The following PRPF8 variants were observed in gnomAD, a reference collection of about 807,000 sequenced individuals.
The protein encoded by PRPF8 is pre-mRNA-processing-splicing factor 8.
A neutral mutation model predicts 285.9 loss-of-function variants in PRPF8; 64 were observed. The ratio of observed to expected loss-of-function variants is 0.22; its 90% CI spans 0.18 to 0.28. The LOEUF (loss-of-function observed/expected upper bound fraction) is 0.28. Ranked by LOEUF, PRPF8 falls within the 10% of genes least tolerant of loss-of-function variation. The probability of loss-of-function intolerance (pLI) is 1.00; values close to 1 mark genes in which losing one functional copy is unlikely to be tolerated. For synonymous variants in PRPF8, 1,325 were observed against 1,118.2 expected, an observed-to-expected ratio of 1.18 and a Z score of -3.69; for missense variants, 1,426 against 3,026.7, an observed-to-expected ratio of 0.47 and a Z score of 12.41.
rs1597245770 is a variant in PRPF8 at position 1,676,495 on chromosome 17, T to C, written c.2388+10A>G. On this transcript the variant is annotated intron_variant, in intron 16 of 42. Coordinates refer to ENST00000304992, the MANE Select transcript of PRPF8 (RefSeq NM_006445.4). This position sits in a 1 kb window ranked among gnomAD's most constrained non-coding sequence, Gnocchi z 6.3. ...ACCACTCACACCCAGCCCAGCCTAC[T>C]CTGCCCAACCTTCAGGTAGTTGTGC... The C allele has an allele frequency of 1.2e-6, 2 of 1,614,022 alleles. No individual in the cohort carries two copies. Among genetic ancestry groups the C allele is most frequent in the East Asian group, 4.5e-5 (2 of 44,902 alleles).
At chr17:1,657,933 T>C (rs2151114116) in intron 34 of PRPF8, among the ~76,000 whole-genome samples, 1 of 147,010 alleles carries the variant, frequency 6.8e-6, no homozygotes, top group Non-Finnish European at 1.5e-5. Flanking sequence ...ATTGAGCCAC[T>C]GTGCTCCAGC....
intron 8 of PRPF8, chr17:1,680,403 A>G (rs1912845475): frequency 4.5e-6 from 2 of 441,252 alleles, no homozygotes; most frequent in African/African-American, 4.0e-5. Context: ...ACACACTTTA[A>G]ATGGATAACT....
Position 1,675,473 on chromosome 17 carries a change from G to C in PRPF8, c.2873-134C>G, listed in dbSNP as rs1240154848. 6.9e-7 allele frequency: 1 copy of C among 1,447,660 alleles called. No individual in the cohort carries two copies. The highest frequency in any genetic ancestry group is 1.4e-5 in the African/African-American group (1 of 71,194). 89.7% of individuals were successfully genotyped at this position (1,447,660 alleles called of 1,614,324 possible). On this transcript the variant is annotated intron_variant, in intron 19 of 42. Transcript: ENST00000304992. The surrounding 1 kb of genome is among the most constrained non-coding windows in gnomAD (Gnocchi z 6.0). ...ATTCATTTGGATTGCTTTGACTATG[G>C]GCTTTTCCTCAGTTTAACACGAACA... is the stretch of plus-strand genomic sequence containing the variant.
intron 39 of PRPF8, chr17:1,652,706 T>C (rs1481945139): frequency 6.8e-6 from 1 of 146,212 alleles, no homozygotes; most frequent in Non-Finnish European, 1.5e-5. Context: ...CCACCATGCC[T>C]GGCTAGTTTT....
Position 1,659,632 on chromosome 17 carries a change from C to T in PRPF8, c.4947-84G>A. 1 of 1,522,974 alleles carries T rather than the reference C, an allele frequency of 6.6e-7. No homozygotes were observed. The highest frequency in any genetic ancestry group is 9.0e-7 in the Non-Finnish European group (1 of 1,107,246). The allele number at this position is 1,522,974 out of a possible 1,614,324, so 94.3% of individuals were successfully genotyped here. A position where few individuals can be genotyped will look rare whatever the true frequency, so the allele number is the denominator to read the frequency against. On this transcript the variant is annotated intron_variant, in intron 31 of 42. Transcript: ENST00000304992. This position sits in a 1 kb window ranked among gnomAD's most constrained non-coding sequence, Gnocchi z 5.1. The stretch of plus-strand genomic sequence containing the variant: ...AACCAGAACCACTTAAATCCCAAAA[C>T]CATCCCACCCACTCCACCAACTTGT...
chr17:1,681,081 GA>G, intron 6 of PRPF8, 27 bp from the exon 7 acceptor site: 1 of 1,607,088 alleles, frequency 6.2e-7, no homozygotes, highest in South Asian at 1.1e-5. Context: ...AGAATAAGCA[GA>G]CTTTTTTTTT....
rs1238626529 is a variant in PRPF8 at position 1,653,773 on chromosome 17, G to A, written c.6227+4C>T. The stretch of plus-strand genomic sequence containing the variant: ...TCCATCCCCACCCTCTTGCCCGACA[G>A]TACCTGACCCTCCACTCAGTCTTGG... On this transcript the variant is annotated splice_donor_region_variant and intron_variant, in intron 38 of 42. Transcript: ENST00000304992. This position sits in a 1 kb window ranked among gnomAD's most constrained non-coding sequence, Gnocchi z 4.9. 1.2e-6 allele frequency: 2 copies of A among 1,614,156 alleles called. No individual in the cohort carries two copies. The highest frequency in any genetic ancestry group is 4.5e-5 in the East Asian group (2 of 44,880).
chr17:1,684,023 A>T (rs1913088143), intron 2 of PRPF8, among the ~76,000 whole-genome samples: 1 of 151,456 alleles, frequency 6.6e-6, no homozygotes, highest in African/African-American at 2.4e-5. Flanking sequence ...AGTAGCTGGG[A>T]TTATAGACAC....
rs769906563 is a variant in PRPF8 at position 1,684,579 on chromosome 17, G to C, written c.-8C>G. The C allele has an allele frequency of 2.5e-6, 4 of 1,612,350 alleles. No homozygotes were observed. In the Admixed American group the frequency reaches 5.0e-5, roughly 20 times the overall value. ...AGGAAACACTCCGGCCATATCCGGA[G>C]AATCTGGGGAGCGGCGGGATAGAAA... On this transcript the variant is annotated 5_prime_UTR_variant, in exon 2 of 43. Transcript: ENST00000304992.
intron 24 of PRPF8, among the ~76,000 whole-genome samples, chr17:1,667,639 G>T (rs1300999893): frequency 6.6e-6 from 1 of 150,968 alleles, no homozygotes; most frequent in South Asian, 2.1e-4. Context: ...CACCTCCGGG[G>T]CTCAAGTGGT....
intron 13 of PRPF8, 148 bp from the exon 14 acceptor site, chr17:1,677,842 C>A: frequency 9.8e-7 from 1 of 1,022,032 alleles, no homozygotes; most frequent in Non-Finnish European, 1.4e-6. Context: ...AAAAAAAACT[C>A]TGGGACCTCA....
rs2151116447 is a variant in PRPF8 at position 1,661,262 on chromosome 17, T to C, written c.4338+9A>G. 6.2e-7 allele frequency: 1 copy of C among 1,614,138 alleles called. No individual in the cohort carries two copies. Among genetic ancestry groups the C allele is most frequent in the Non-Finnish European group, 8.5e-7 (1 of 1,180,022 alleles). On this transcript the variant is annotated intron_variant, in intron 27 of 42. Coordinates refer to ENST00000304992, the MANE Select transcript of PRPF8 (RefSeq NM_006445.4). This position sits in a 1 kb window ranked among gnomAD's most constrained non-coding sequence, Gnocchi z 7.3. Reference sequence around the variant, plus strand: ...CCTGACTCAGGGAAAATCTGCTCCCTCTACATACCTGATACTGCTTAAAGT... The same window carrying C: ...CCTGACTCAGGGAAAATCTGCTCCCCCTACATACCTGATACTGCTTAAAGT...
intron 2 of PRPF8, 55 bp from the exon 3 acceptor site, chr17:1,683,756 C>T (rs1389548844): frequency 3.7e-6 from 6 of 1,603,938 alleles, no homozygotes; most frequent in Non-Finnish European, 5.1e-6. Context: ...ATCCTCTTCA[C>T]CTCTTGCCCT....
Position 1,679,008 on chromosome 17 carries a change from T to G in PRPF8, c.1599+9A>C, listed in dbSNP as rs747243298. 1 of 1,614,082 alleles carries G rather than the reference T, an allele frequency of 6.2e-7. No individual in the cohort carries two copies. Among genetic ancestry groups the G allele is most frequent in the Admixed American group, 1.7e-5 (1 of 60,006 alleles). On this transcript the variant is annotated intron_variant, in intron 11 of 42. Transcript: ENST00000304992. The surrounding 1 kb of genome is among the most constrained non-coding windows in gnomAD (Gnocchi z 4.7). Reference sequence around the variant, plus strand: ...AGCCCAGGAGGCCCCTAGGGTCCAATGCAGGCACCTTGGTGGTGAGCGTTT... The same window carrying G: ...AGCCCAGGAGGCCCCTAGGGTCCAAGGCAGGCACCTTGGTGGTGAGCGTTT...
rs933756282 is a variant in PRPF8, at chr17:1,679,247, A to G, written c.1410-41T>C. 4.4e-5 allele frequency: 71 copies of G among 1,614,080 alleles called. No individual in the cohort carries two copies. Among genetic ancestry groups the G allele is most frequent in the Non-Finnish European group, 5.6e-5 (66 of 1,180,044 alleles). Reference sequence around the variant, plus strand: ...GGAGAGTAAGAGTCAGCCTACTGATATCTCTGGAACAGAAGTCTGCGCAGG... The same window carrying G: ...GGAGAGTAAGAGTCAGCCTACTGATGTCTCTGGAACAGAAGTCTGCGCAGG... On this transcript the variant is annotated intron_variant, in intron 10 of 42. Transcript: ENST00000304992. This position sits in a 1 kb window ranked among gnomAD's most constrained non-coding sequence, Gnocchi z 4.7.
At chr17:1,674,357 G>T in intron 21 of PRPF8, 85 bp downstream of exon 21, 2 of 1,359,638 alleles carry the variant, frequency 1.5e-6, no homozygotes, top group Non-Finnish European at 2.1e-6. Flanking sequence ...CAGCAGTTAA[G>T]TCAACTCAGG....
In PRPF8 at chr17:1,654,033, G is replaced by C; in HGVS notation, c.5988-17C>G. 2 of 1,614,094 alleles carry C rather than the reference G, an allele frequency of 1.2e-6. No homozygotes were observed. Among genetic ancestry groups the C allele is most frequent in the Non-Finnish European group, 1.7e-6 (2 of 1,180,032 alleles). On this transcript the variant is annotated splice_polypyrimidine_tract_variant and intron_variant, in intron 37 of 42. Coordinates refer to ENST00000304992, the MANE Select transcript of PRPF8 (RefSeq NM_006445.4). ...ACGTTCACACTGTGGGGATGGTGTG[G>C]GTTATATTACAAGGATCCCTTCCCC...
chr17:1,652,440 C>T (rs1426356278), intron 39 of PRPF8, among the ~76,000 whole-genome samples: 1 of 152,148 alleles, frequency 6.6e-6, no homozygotes, highest in Non-Finnish European at 1.5e-5. Context: ...GGTTTCGCCA[C>T]GTTGGCCAAG....
intron 24 of PRPF8, among the ~76,000 whole-genome samples, chr17:1,670,903 T>C (rs1028743365): frequency 1.8e-4 from 28 of 151,782 alleles, no homozygotes; most frequent in Admixed American, 6.6e-4. Context: ...ACACAGAAAT[T>C]TGACAAAGTC....
Sources: allele counts gnomAD v4.1 joint callset (sites outside exome capture counted in the v4.1 genomes callset), GRCh38; gene constraint gnomAD v4.1.1; non-coding constraint Gnocchi (gnomAD v3.1); transcripts MANE v1.5; gene names NCBI Gene and HGNC (gene_info 2026-07-23, HGNC 2026-07-21).